The following DOCK1 variants were observed in gnomAD, a reference collection of about 807,000 sequenced individuals.
DOCK1 encodes dedicator of cytokinesis protein 1.
A neutral mutation model predicts 262.7 loss-of-function variants in DOCK1; 138 were observed. The observed-to-expected ratio is 0.53, with a 90% CI of 0.46 to 0.61. DOCK1 has a LOEUF of 0.61. Among genes scored for constraint, DOCK1 ranks in the 20% least tolerant of loss-of-function variants. The probability of loss-of-function intolerance (pLI) is 0.00; values close to 1 mark genes in which losing one functional copy is unlikely to be tolerated. For missense variants in DOCK1, 1,908 were observed against 2,370.7 expected (o/e 0.80, Z 4.05); for synonymous variants, 866 against 867.4 (o/e 1.00, Z 0.03).
At chr10:127,418,260 A>T in intron 44 of DOCK1, 105 bp from the exon 45 acceptor site, 1 of 1,288,242 alleles carries the variant, frequency 7.8e-7, no homozygotes. Context: ...AGAAAGGTTC[A>T]CGGAGGAGCA....
intron 24 of DOCK1, among the ~76,000 whole-genome samples, chr10:127,107,924 G>A (rs879428276): frequency 6.6e-6 from 1 of 152,160 alleles, no homozygotes; most frequent in African/African-American, 2.4e-5. Context: ...CGCTTGAGCC[G>A]GGCCTGTCCT....
chr10:127,364,131 G>T (rs570307341), intron 33 of DOCK1, among the ~76,000 whole-genome samples: 4 of 152,184 alleles, frequency 2.6e-5, no homozygotes, highest in African/African-American at 7.2e-5. Flanking sequence ...CCCAGTGTCT[G>T]CAGGACCATG....
At chr10:127,325,843 G>A (rs2062725404) in intron 29 of DOCK1, among the ~76,000 whole-genome samples, 1 of 152,152 alleles carries the variant, frequency 6.6e-6, no homozygotes, top group African/African-American at 2.4e-5. Context: ...CTCTTTGAAT[G>A]TTCAGTCAAA....
chr10:126,905,572 C>G lies in DOCK1; in HGVS notation c.46+9C>G. On this transcript the variant is annotated intron_variant, in intron 1 of 51. Coordinates refer to ENST00000623213, the MANE Select transcript of DOCK1 (RefSeq NM_001290223.2). ...GGAGAAGTACGGCGTGGGTGAGCAG[C>G]GCCGCCGCCGCCGCGCCTCTCGCCC... 1 of 365,596 alleles carries G rather than the reference C, an allele frequency of 2.7e-6. No homozygotes were observed. Among genetic ancestry groups the G allele is most frequent in the Non-Finnish European group, 4.9e-6 (1 of 202,294 alleles). The allele number at this position is 365,596 out of a possible 1,614,324, so 22.6% of individuals were successfully genotyped here.
intron 48 of DOCK1, among the ~76,000 whole-genome samples, chr10:127,438,467 T>G (rs540038541): frequency 6.6e-6 from 1 of 152,334 alleles, no homozygotes; most frequent in African/African-American, 2.4e-5. Flanking sequence ...AATGCAGGTC[T>G]TCTGTCTCCA....
intron 1 of DOCK1, among the ~76,000 whole-genome samples, chr10:126,950,672 G>A (rs1172767950): frequency 6.6e-6 from 1 of 152,148 alleles, no homozygotes; most frequent in Non-Finnish European, 1.5e-5. Flanking sequence ...CATGATGCCT[G>A]GAGGTGGGGC....
Position 127,000,422 on chromosome 10 carries a change from G to T in DOCK1, c.985+115G>T, listed in dbSNP as rs535211193. The T allele has an allele frequency of 1.9e-5, 26 of 1,388,908 alleles. No individual in the cohort carries two copies. In the African/African-American group the frequency reaches 3.6e-4, roughly 19 times the overall value. 86.0% of individuals were successfully genotyped at this position (1,388,908 alleles called of 1,614,324 possible). A position where few individuals can be genotyped will look rare whatever the true frequency, so the allele number is the denominator to read the frequency against. On this transcript the variant is annotated intron_variant, in intron 10 of 51. Coordinates refer to ENST00000623213, the MANE Select transcript of DOCK1 (RefSeq NM_001290223.2). Reference sequence around the variant, plus strand: ...ACAGCTGTGATTTATAAGCTTTTCTGCTGGAGAGAAAAAATATATTTATTA... The same window carrying T: ...ACAGCTGTGATTTATAAGCTTTTCTTCTGGAGAGAAAAAATATATTTATTA...
chr10:127,314,551 T>A (rs2062191374), intron 29 of DOCK1, among the ~76,000 whole-genome samples: 1 of 152,184 alleles, frequency 6.6e-6, no homozygotes, highest in Non-Finnish European at 1.5e-5. Flanking sequence ...GACGGTAATG[T>A]ATGCATGTAC....
chr10:127,356,741 T>C (rs1254159446), intron 32 of DOCK1, among the ~76,000 whole-genome samples: 1 of 152,068 alleles, frequency 6.6e-6, no homozygotes, highest in Non-Finnish European at 1.5e-5. Flanking sequence ...TGATATGAGC[T>C]CCACCTGCCA....
In DOCK1 at chr10:126,964,563, A is replaced by G. The variant is rs943095570; in HGVS notation, c.47-6139A>G. Among the ~76,000 whole-genome samples the G allele has an allele frequency of 4.4e-3, 670 of 152,368 alleles. 2 individuals are homozygous for G. The highest frequency in any genetic ancestry group is 0.013 in the East Asian group (66 of 5,186). On this transcript the variant is annotated intron_variant, in intron 1 of 51. Transcript: ENST00000623213. ...AAGCGTTTCCAACTGAAGGCAAGAG[A>G]AAGGAAATGAGAACACAGAGCAATT...
chr10:127,321,160 T>C (rs1258923246), intron 29 of DOCK1, among the ~76,000 whole-genome samples: 1 of 151,792 alleles, frequency 6.6e-6, no homozygotes, highest in African/African-American at 2.4e-5. Context: ...CTTGCGCTGT[T>C]TCCCTCTGGC....
intron 23 of DOCK1, among the ~76,000 whole-genome samples, chr10:127,070,163 G>A (rs969442074): frequency 9.9e-5 from 15 of 151,680 alleles, no homozygotes; most frequent in South Asian, 2.1e-4. Flanking sequence ...CTACTGTGGC[G>A]TGGCCTCAGG....
At chr10:127,147,897 G>A (rs529465985) in intron 27 of DOCK1, among the ~76,000 whole-genome samples, 9 of 151,656 alleles carry the variant, frequency 5.9e-5, no homozygotes, top group African/African-American at 9.7e-5. Flanking sequence ...CAGGATTGGC[G>A]GTGCGCGCAC....
intron 26 of DOCK1, among the ~76,000 whole-genome samples, chr10:127,126,230 G>T (rs1664499762): frequency 6.6e-6 from 1 of 152,014 alleles, no homozygotes; most frequent in African/African-American, 2.4e-5. Flanking sequence ...AAGTAGCTGG[G>T]ATTATAGGTG....
chr10:127,273,775 G>A (rs1256805339), intron 29 of DOCK1, among the ~76,000 whole-genome samples: 1 of 152,012 alleles, frequency 6.6e-6, no homozygotes, highest in African/African-American at 2.4e-5. Flanking sequence ...CCAGCTACTT[G>A]GGAGGCTGAG....
At position 127,153,542 on chromosome 10, in the gene DOCK1, C is replaced by A. The variant is rs147912908; in HGVS notation, c.2847+25778C>A. On this transcript the variant is annotated intron_variant, in intron 27 of 51. Transcript: ENST00000623213. ...CCTCTGAAGGGCCTATGTTTTACAG[C>A]CTTTCCAGAACACAGAGCCCAGGGC... is the stretch of plus-strand genomic sequence containing the variant. 1.6e-3 allele frequency among the ~76,000 whole-genome samples: 237 copies of A among 152,318 alleles called. 1 individual carries two copies. The highest frequency in any genetic ancestry group is 5.3e-3 in the African/African-American group (222 of 41,580).
chr10:127,316,367 T>C (rs1444162366), intron 29 of DOCK1, among the ~76,000 whole-genome samples: 1 of 152,192 alleles, frequency 6.6e-6, no homozygotes, highest in African/African-American at 2.4e-5. Context: ...ACTGATGCAC[T>C]GTATCTATGT....
intron 29 of DOCK1, among the ~76,000 whole-genome samples, chr10:127,260,870 C>CATGT (rs2060022568): frequency 1.8e-5 from 1 of 56,338 alleles, no homozygotes; most frequent in South Asian, 5.1e-4. Flanking sequence ...TGTGTGTGTG[C>CATGT]ATGTGTGTGT....
chr10:127,231,893 A>G (rs772495279), intron 27 of DOCK1, among the ~76,000 whole-genome samples: 10 of 152,178 alleles, frequency 6.6e-5, no homozygotes, highest in Non-Finnish European at 1.3e-4. Context: ...GAACAAATGG[A>G]GAGACAGTTC....
Sources: gnomAD v4.1 joint callset for allele counts (sites outside exome capture counted in the v4.1 genomes callset) on GRCh38, gnomAD v4.1.1 for gene constraint, MANE v1.5 for transcripts, NCBI Gene and HGNC (gene_info 2026-07-23, HGNC 2026-07-21) for gene names.